Variants in SMCHD1 observed in about 807,000 individuals in gnomAD.
SMCHD1 encodes the protein structural maintenance of chromosomes flexible hinge domain-containing protein 1.
Under a neutral mutation model 254.7 loss-of-function variants are expected in SMCHD1, and 78 were observed. The ratio of observed to expected loss-of-function variants is 0.31; its 90% CI spans 0.26 to 0.37. The LOEUF is 0.37. SMCHD1 is among the 10% of genes least tolerant of loss of function. The pLI is 1.00. For missense variants in SMCHD1, 1,840 were observed against 2,408.1 expected (o/e 0.76, Z 4.94); for synonymous variants, 766 against 794.9 (o/e 0.96, Z 0.61).
At chr18:2,770,863 T>C (rs117733637) in intron 39 of SMCHD1, among the ~76,000 whole-genome samples, 5,286 of 152,264 alleles carry the variant, frequency 0.035, 140 homozygotes, top group Non-Finnish European at 0.055. Context: ...TCAAGTGATC[T>C]GCCCACCTTG....
At chr18:2,796,956 TAAAA>T (rs959208677) in intron 47 of SMCHD1, 2 of 151,942 alleles carry the variant, frequency 1.3e-5, no homozygotes, top group Admixed American at 6.6e-5. Flanking sequence ...TATTTTAAAT[TAAAA>T]AAAATAAAGT....
At chr18:2,793,656 C>CAAAAAAAAAAAAAAAAAAAAAAAAAAAA (rs1277905569) in intron 45 of SMCHD1, among the ~76,000 whole-genome samples, 1 of 43,906 alleles carries the variant, frequency 2.3e-5, no homozygotes, top group African/African-American at 9.5e-5. Context: ...GACTCCGTCT[C>CAAAAAAAAAAAAAAAAAAAAAAAAAAAA]AAAAAAAAAA....
At chr18:2,666,261 C>T (rs1300148765) in intron 2 of SMCHD1, 29 bp downstream of exon 2, 1 of 1,065,010 alleles carries the variant, frequency 9.4e-7, no homozygotes, top group East Asian at 2.5e-5. Flanking sequence ...TAAGTTGATG[C>T]TTTTATATTT....
intron 5 of SMCHD1, among the ~76,000 whole-genome samples, chr18:2,678,255 C>CTTTTTCTTTCTTTCTTTCGTTCTT (rs61681896): frequency 2.3e-4 from 27 of 119,402 alleles, no homozygotes; most frequent in Non-Finnish European, 4.4e-4. Context: ...TTCTTTCTTT[C>CTTTTTCTTTCTTTCTTTCGTTCTT]TCTCTCTCTC....
chr18:2,751,430 GTTC>G, intron 33 of SMCHD1, 37 bp downstream of exon 33: 4 of 1,175,446 alleles, frequency 3.4e-6, no homozygotes, highest in Non-Finnish European at 4.9e-6. Flanking sequence ...GTTAAAAATA[GTTC>G]TTACATTTAA....
rs554669252 is a variant in SMCHD1 at position 2,770,132 on chromosome 18, A to G, written c.4966+24A>G. On this transcript the variant is annotated intron_variant, in intron 39 of 47. Coordinates refer to ENST00000320876, the MANE Select transcript of SMCHD1 (RefSeq NM_015295.3). ...ATGTAAGTCATTTTGTATTCAAGAC[A>G]AAAATTATGCTTTGGGGAATGATGA... is the stretch of plus-strand genomic sequence containing the variant. 8 of 1,592,450 alleles carry G rather than the reference A, an allele frequency of 5.0e-6. No individual in the cohort carries two copies. In the Admixed American group the frequency reaches 5.6e-5, roughly 11 times the overall value.
chr18:2,784,655 A>T, intron 45 of SMCHD1, 34 bp downstream of exon 45: 1 of 1,515,102 alleles, frequency 6.6e-7, no homozygotes, highest in Non-Finnish European at 8.8e-7. Context: ...AGCAATTTCT[A>T]ATTTAATTTT....
intron 12 of SMCHD1, among the ~76,000 whole-genome samples, 163 bp from the exon 13 acceptor site, chr18:2,703,529 C>T (rs1280992203): frequency 6.6e-6 from 1 of 151,910 alleles, no homozygotes; most frequent in East Asian, 1.9e-4. Flanking sequence ...TTTGAAATAT[C>T]CTAAATGTGT....
rs1256480840 is a variant in SMCHD1, at chr18:2,751,465, A to G, written c.4281+72A>G. The G allele has an allele frequency of 3.8e-5, 30 of 787,792 alleles. No homozygotes were observed. In the East Asian group the frequency reaches 8.7e-4, roughly 23 times the overall value. The allele number at this position is 787,792 out of a possible 1,614,324, so 48.8% of individuals were successfully genotyped here. A position where few individuals can be genotyped will look rare whatever the true frequency, so the allele number is the denominator to read the frequency against. ...TTAACTTAAAACTAAGTCTCCTTTA[A>G]TGTAAATATATAATGTTATATAAAT... On this transcript the variant is annotated intron_variant, in intron 33 of 47. Transcript: ENST00000320876.
intron 30 of SMCHD1, 94 bp from the exon 31 acceptor site, chr18:2,749,949 A>G (rs1422450774): frequency 1.8e-6 from 2 of 1,095,496 alleles, no homozygotes; most frequent in Non-Finnish European, 2.6e-6. Context: ...CTTTTAAAAT[A>G]GGAATAGAGG....
At chr18:2,668,433 C>G (rs1240974241) in intron 3 of SMCHD1, among the ~76,000 whole-genome samples, 1 of 152,144 alleles carries the variant, frequency 6.6e-6, no homozygotes, top group Non-Finnish European at 1.5e-5. Context: ...GCAGAATTAA[C>G]TGGGGCTAAG....
chr18:2,695,472 A>G (rs1055991631), intron 8 of SMCHD1, among the ~76,000 whole-genome samples: 2 of 151,912 alleles, frequency 1.3e-5, no homozygotes, highest in Non-Finnish European at 2.9e-5. Flanking sequence ...ACCACACTCA[A>G]CTAATTTTTG....
intron 45 of SMCHD1, among the ~76,000 whole-genome samples, chr18:2,793,529 G>A (rs2076204650): frequency 6.6e-6 from 1 of 151,930 alleles, no homozygotes; most frequent in East Asian, 1.9e-4. Flanking sequence ...GCTGGGTGTG[G>A]TGGCGGGCGC....
chr18:2,757,242 G>A (rs1054735254), intron 34 of SMCHD1, among the ~76,000 whole-genome samples: 2 of 151,750 alleles, frequency 1.3e-5, no homozygotes, highest in African/African-American at 4.8e-5. Context: ...CCAGAGTGTC[G>A]CTCTTTCATC....
intron 28 of SMCHD1, among the ~76,000 whole-genome samples, chr18:2,741,768 A>G (rs930417486): frequency 6.6e-6 from 1 of 152,196 alleles, no homozygotes; most frequent in East Asian, 1.9e-4. Flanking sequence ...CTCTGCGCAC[A>G]GGCTCCTAAT....
chr18:2,743,647 T>C, intron 28 of SMCHD1, 114 bp from the exon 29 acceptor site: 1 of 603,440 alleles, frequency 1.7e-6, no homozygotes, highest in Non-Finnish European at 2.6e-6. Context: ...TTTTCTGTCA[T>C]GTTACCAAGA....
In SMCHD1 at chr18:2,728,602, C is replaced by G. The variant is rs186678728; in HGVS notation, c.2913+6C>G. ...AATTGATTGTTCATTGTAAGGTAAG[C>G]TTATTGGAAGATATTTAGATTGAGT... On this transcript the variant is annotated splice_donor_region_variant and intron_variant, in intron 23 of 47. Transcript: ENST00000320876. 2.6e-4 allele frequency: 413 copies of G among 1,609,070 alleles called. No individual in the cohort carries two copies. The African/African-American group carries it at 4.7e-3, about 18-fold the overall frequency.
At chr18:2,760,846 T>C in intron 35 of SMCHD1, 107 bp downstream of exon 35, 1 of 568,386 alleles carries the variant, frequency 1.8e-6, no homozygotes. Context: ...ATTTAGTTTA[T>C]GAATGAAATA....
rs371160857 is a variant in SMCHD1 at position 2,789,051 on chromosome 18, A to G, written c.5719+4430A>G. ...TGTTTGTTTTTTGAGACAGGGTCTC[A>G]CTTTGTTGCCCAGGCTGGAGTGCAG... On this transcript the variant is annotated intron_variant, in intron 45 of 47. Coordinates refer to ENST00000320876, the MANE Select transcript of SMCHD1 (RefSeq NM_015295.3). 2.0e-3 allele frequency among the ~76,000 whole-genome samples: 310 copies of G among 151,240 alleles called. 3 individuals are homozygous for G. Among genetic ancestry groups the G allele is most frequent in the South Asian group, 0.02 (94 of 4,762 alleles).
Sources: gnomAD v4.1 joint callset for allele counts (sites outside exome capture counted in the v4.1 genomes callset) on GRCh38, gnomAD v4.1.1 for gene constraint, MANE v1.5 for transcripts, NCBI Gene and HGNC (gene_info 2026-07-23, HGNC 2026-07-21) for gene names.